The following SNX13 variants were observed in gnomAD, a reference collection of about 807,000 sequenced individuals.
The protein encoded by SNX13 is sorting nexin 13, also known as sorting nexin-13.
In SNX13, 45 loss-of-function variants were observed where a neutral mutation model predicts 133.6. That is an observed-to-expected ratio of 0.34 (90% CI 0.27 to 0.43). The LOEUF (loss-of-function observed/expected upper bound fraction) is 0.43. Ranked by LOEUF, SNX13 falls within the 20% of genes least tolerant of loss-of-function variation. The probability of loss-of-function intolerance (pLI) is 1.00; values close to 1 mark genes in which losing one functional copy is unlikely to be tolerated. For missense variants in SNX13, 1,032 were observed against 1,145.1 expected (o/e 0.90, Z 1.43); for synonymous variants, 414 against 373.9 (o/e 1.11, Z -1.24).
At chr7:17,825,262 GACTA>G (rs1206128340) in intron 17 of SNX13, among the ~76,000 whole-genome samples, 3 of 127,010 alleles carry the variant, frequency 2.4e-5, no homozygotes, top group African/African-American at 9.2e-5. Flanking sequence ...GATTAAACTA[GACTA>G]GACTAGACTA....
chr7:17,940,353 G>A lies in SNX13; in HGVS notation c.-58C>T. ...GCCTCGCCTCATGGCAACAGCCGTA[G>A]CAGCAGCGAAAACTGCTCGGGCCGC... On this transcript the variant is annotated 5_prime_UTR_variant, in exon 1 of 26. Coordinates refer to ENST00000428135, the MANE Select transcript of SNX13 (RefSeq NM_015132.5). 3.2e-6 allele frequency: 5 copies of A among 1,553,030 alleles called. No homozygotes were observed. Among genetic ancestry groups the A allele is most frequent in the Non-Finnish European group, 4.4e-6 (5 of 1,147,644 alleles).
intron 1 of SNX13, among the ~76,000 whole-genome samples, chr7:17,939,163 C>A (rs1455783634): frequency 6.6e-6 from 1 of 152,138 alleles, no homozygotes; most frequent in African/African-American, 2.4e-5. Flanking sequence ...CAGGCAAGTA[C>A]GTGCTTTACC....
intron 9 of SNX13, among the ~76,000 whole-genome samples, chr7:17,859,481 A>T (rs1003718426): frequency 6.6e-6 from 1 of 152,190 alleles, no homozygotes; most frequent in East Asian, 1.9e-4. Flanking sequence ...AGGCAAAATT[A>T]TAATACAACT....
At chr7:17,803,295 T>C in intron 21 of SNX13, 124 bp downstream of exon 21, 3 of 827,936 alleles carry the variant, frequency 3.6e-6, no homozygotes, top group South Asian at 2.8e-5. Context: ...TATGAGACTA[T>C]GTGTCTAGCA....
chr7:17,898,087 AC>A (rs1797408924), intron 1 of SNX13: 1 of 151,976 alleles, frequency 6.6e-6, no homozygotes, highest in African/African-American at 2.4e-5. Context: ...TAAAAAAAAA[AC>A]CTATTTCATA....
chr7:17,906,985 G>A (rs1008372071), intron 1 of SNX13, among the ~76,000 whole-genome samples: 3 of 152,158 alleles, frequency 2.0e-5, no homozygotes, highest in African/African-American at 7.2e-5. Flanking sequence ...GCCACAAGCT[G>A]ACAGAAACAT....
chr7:17,830,161 TAAAAAAAAAA>T lies in SNX13; in HGVS notation c.1598-124_1598-115del, dbSNP rs367739163. The T allele has an allele frequency of 2.0e-3, 942 of 475,448 alleles. 11 individuals carry two copies. The South Asian group carries it at 0.078, about 39-fold the overall frequency. The allele number at this position is 475,448 out of a possible 1,614,324, so 29.5% of individuals were successfully genotyped here. ...CATAAGCCAAGATATAACATAATAG[TAAAAAAAAAA>T]AAAAAAAAAAAAATTGTGGATACTC... On this transcript the variant is annotated intron_variant, in intron 15 of 25. Transcript: ENST00000428135.
At chr7:17,845,078 T>C (rs1435364597) in intron 12 of SNX13, among the ~76,000 whole-genome samples, 1 of 151,708 alleles carries the variant, frequency 6.6e-6, no homozygotes, top group African/African-American at 2.4e-5. Flanking sequence ...GTACTGGAAG[T>C]ACTAGGCAGA....
chr7:17,835,136 C>T (rs1453087006), intron 13 of SNX13, among the ~76,000 whole-genome samples: 1 of 151,754 alleles, frequency 6.6e-6, no homozygotes, highest in Admixed American at 6.6e-5. Flanking sequence ...GCTTCATTTA[C>T]CCCATCTGTA....
chr7:17,825,835 TAGAG>T (rs965379585), intron 17 of SNX13, among the ~76,000 whole-genome samples, 183 bp downstream of exon 17: 2 of 152,080 alleles, frequency 1.3e-5, no homozygotes, highest in Admixed American at 6.6e-5. Context: ...GTGACAATCT[TAGAG>T]AGATCAAATA....
At chr7:17,925,780 G>C (rs1425059018) in intron 1 of SNX13, among the ~76,000 whole-genome samples, 1 of 150,484 alleles carries the variant, frequency 6.6e-6, no homozygotes, top group Non-Finnish European at 1.5e-5. Context: ...GGACGAAGAA[G>C]GGGAAAAAAG....
At chr7:17,859,743 T>C (rs1792398212) in intron 9 of SNX13, among the ~76,000 whole-genome samples, 1 of 152,172 alleles carries the variant, frequency 6.6e-6, no homozygotes. Flanking sequence ...CAAAGAGGGA[T>C]CATGCAGTAT....
rs540560700 is a variant in SNX13 at position 17,871,187 on chromosome 7, A to G, written c.753+2341T>C. On this transcript the variant is annotated intron_variant, in intron 8 of 25. Coordinates refer to ENST00000428135, the MANE Select transcript of SNX13 (RefSeq NM_015132.5). ...TGCCCAGCTAATTTTTTGTATTTTT[A>G]GTAGAGACGGCGTTTCACCGTGTTA... 2.0e-4 allele frequency among the ~76,000 whole-genome samples: 31 copies of G among 152,030 alleles called. 1 individual carries two copies. The South Asian group carries it at 6.4e-3, about 32-fold the overall frequency.
chr7:17,869,150 GA>G (rs1237005345), intron 8 of SNX13, among the ~76,000 whole-genome samples: 1 of 151,990 alleles, frequency 6.6e-6, no homozygotes, highest in East Asian at 1.9e-4. Context: ...CATTCCAACA[GA>G]AATATGCTTG....
intron 9 of SNX13, among the ~76,000 whole-genome samples, chr7:17,861,572 G>A (rs553690241): frequency 6.6e-6 from 1 of 152,248 alleles, no homozygotes; most frequent in East Asian, 1.9e-4. Context: ...AAGTGAGCTC[G>A]AGGATGTGCA....
At chr7:17,897,129 T>C (rs553192925) in intron 2 of SNX13, among the ~76,000 whole-genome samples, 3 of 152,226 alleles carry the variant, frequency 2.0e-5, no homozygotes, top group African/African-American at 7.2e-5. Flanking sequence ...CATCTTATTA[T>C]TGAAGGACTA....
intron 25 of SNX13, chr7:17,796,602 T>A (rs550398049): frequency 2.3e-6 from 1 of 436,596 alleles, no homozygotes; most frequent in Non-Finnish European, 4.1e-6. Context: ...TGAGCTTCCG[T>A]TTCCTCACAT....
At chr7:17,938,249 C>CA (rs1802337158) in intron 1 of SNX13, among the ~76,000 whole-genome samples, 1 of 152,148 alleles carries the variant, frequency 6.6e-6, no homozygotes, top group African/African-American at 2.4e-5. Flanking sequence ...CAAGGAAGTA[C>CA]AATAGCATGT....
intron 1 of SNX13, among the ~76,000 whole-genome samples, chr7:17,913,684 G>A (rs571856491): frequency 4.1e-4 from 60 of 147,462 alleles, no homozygotes; most frequent in Admixed American, 3.4e-3. Flanking sequence ...AGCAACATAC[G>A]TCAGTCATAC....
Sources: gnomAD v4.1 joint callset for allele counts (sites outside exome capture counted in the v4.1 genomes callset) on GRCh38, gnomAD v4.1.1 for gene constraint, MANE v1.5 for transcripts, NCBI Gene and HGNC (gene_info 2026-07-23, HGNC 2026-07-21) for gene names.